Variants in VPS26A observed in about 807,000 individuals in gnomAD.
The protein encoded by VPS26A is VPS26 retromer complex component A, also known as vacuolar protein sorting-associated protein 26A.
Under a neutral mutation model 42.4 loss-of-function variants are expected in VPS26A, and 22 were observed. The observed-to-expected ratio is 0.52, with a 90% CI of 0.37 to 0.74. VPS26A has a LOEUF of 0.74. Among genes scored for constraint, VPS26A ranks in the 30% least tolerant of loss-of-function variants. The pLI, the probability that VPS26A is intolerant of heterozygous loss-of-function variation, is 0.00. For missense variants in VPS26A, 276 were observed against 379.2 expected (o/e 0.73, Z 2.26); for synonymous variants, 110 against 123.5 (o/e 0.89, Z 0.73).
At chr10:69,134,931 T>A (rs1274889741) in intron 2 of VPS26A, among the ~76,000 whole-genome samples, 9 of 146,146 alleles carry the variant, frequency 6.2e-5, no homozygotes, top group African/African-American at 2.2e-4. Context: ...TGTATCTATT[T>A]AAAAAAAAAA....
intron 2 of VPS26A, among the ~76,000 whole-genome samples, chr10:69,137,882 T>TATATATATATATATATATATATATA (rs1564675546): frequency 6.6e-5 from 10 of 151,378 alleles, no homozygotes; most frequent in African/African-American, 2.4e-4. Flanking sequence ...TATATATATA[T>TATATATATATATATATATATATATA]TCGCCATAAA....
intron 1 of VPS26A, among the ~76,000 whole-genome samples, chr10:69,125,268 G>A (rs534312327): frequency 1.3e-5 from 2 of 151,372 alleles, no homozygotes; most frequent in South Asian, 2.1e-4. Flanking sequence ...CAGTAATGAT[G>A]TTGCTTTCAA....
intron 5 of VPS26A, chr10:69,161,573 C>T (rs1841563177): frequency 4.2e-6 from 1 of 235,812 alleles, no homozygotes; most frequent in Non-Finnish European, 8.8e-6. Context: ...TGGCCTGAGA[C>T]TCCTTGCCAT....
In VPS26A at chr10:69,124,214, G is replaced by A. The variant is rs982115107; in HGVS notation, c.-64G>A. 12 of 1,271,822 alleles carry A rather than the reference G, an allele frequency of 9.4e-6. No individual in the cohort carries two copies. Among genetic ancestry groups the A allele is most frequent in the Admixed American group, 3.9e-5 (1 of 25,892 alleles). The allele number at this position is 1,271,822 out of a possible 1,614,324, so 78.8% of individuals were successfully genotyped here. A position where few individuals can be genotyped will look rare whatever the true frequency, so the allele number is the denominator to read the frequency against. On this transcript the variant is annotated 5_prime_UTR_variant, in exon 1 of 9. Coordinates refer to ENST00000263559, the MANE Select transcript of VPS26A (RefSeq NM_004896.5). ...ACGGAGCGCCGGAGCGGAGGGAGCC[G>A]GGGCTGGGAGTTCTCCTGAGGGAAG...
At chr10:69,151,854 G>T (rs1841320974) in intron 2 of VPS26A, among the ~76,000 whole-genome samples, 1 of 152,168 alleles carries the variant, frequency 6.6e-6, no homozygotes, top group African/African-American at 2.4e-5. Flanking sequence ...TGTTGGTAGA[G>T]ATTATAGTTC....
intron 5 of VPS26A, 22 bp downstream of exon 5, chr10:69,158,233 G>A (rs1841475311): frequency 6.5e-7 from 1 of 1,540,484 alleles, no homozygotes; most frequent in South Asian, 1.2e-5. Context: ...TCACAGATAA[G>A]TTGTTCAGAG....
chr10:69,158,337 C>A, intron 5 of VPS26A, 126 bp downstream of exon 5: 2 of 823,650 alleles, frequency 2.4e-6, no homozygotes, highest in Non-Finnish European at 3.5e-6. Flanking sequence ...AACAGGATCT[C>A]TGAGCTAAAA....
chr10:69,144,783 T>C (rs1333177265), intron 2 of VPS26A, among the ~76,000 whole-genome samples: 1 of 151,962 alleles, frequency 6.6e-6, no homozygotes, highest in Non-Finnish European at 1.5e-5. Context: ...TAAAGGTGTT[T>C]TATATATCTA....
At chr10:69,146,341 T>C (rs1197106899) in intron 2 of VPS26A, among the ~76,000 whole-genome samples, 1 of 152,158 alleles carries the variant, frequency 6.6e-6, no homozygotes, top group Non-Finnish European at 1.5e-5. Flanking sequence ...CACCTCGGTT[T>C]CCCAAAGTGC....
intron 2 of VPS26A, among the ~76,000 whole-genome samples, chr10:69,142,377 A>G (rs1272952691): frequency 7.0e-6 from 1 of 143,752 alleles, no homozygotes; most frequent in South Asian, 2.2e-4. Flanking sequence ...TTTTTTTTTT[A>G]TAGATAGGGT....
intron 1 of VPS26A, among the ~76,000 whole-genome samples, chr10:69,131,241 A>C (rs1383086318): frequency 6.6e-6 from 1 of 152,128 alleles, no homozygotes; most frequent in Non-Finnish European, 1.5e-5. Flanking sequence ...TGGTCTCTGA[A>C]AGTGCTGGGA....
At chr10:69,166,686 G>A (rs999733456) in intron 7 of VPS26A, among the ~76,000 whole-genome samples, 1 of 152,176 alleles carries the variant, frequency 6.6e-6, no homozygotes, top group South Asian at 2.1e-4. Flanking sequence ...CTTTGAGCTA[G>A]GTGGTTGTGT....
intron 2 of VPS26A, among the ~76,000 whole-genome samples, chr10:69,151,276 A>AAAAAAAAAAC (rs1554854511): frequency 5.8e-5 from 4 of 69,126 alleles, no homozygotes; most frequent in Admixed American, 1.6e-4. Flanking sequence ...AAAAAAAAAA[A>AAAAAAAAAAC]AAAAAAACAC....
At chr10:69,142,048 T>C (rs1841053753) in intron 2 of VPS26A, among the ~76,000 whole-genome samples, 1 of 151,956 alleles carries the variant, frequency 6.6e-6, no homozygotes. Context: ...CACGCCCGGC[T>C]AATTTTTTGT....
At chr10:69,129,663 T>A (rs1180249919) in intron 1 of VPS26A, among the ~76,000 whole-genome samples, 1 of 151,892 alleles carries the variant, frequency 6.6e-6, no homozygotes, top group Non-Finnish European at 1.5e-5. Context: ...TTCTCCTGCC[T>A]CAGGTGCATA....
chr10:69,162,410 C>T lies in VPS26A; in HGVS notation c.556C>T (p.His186Tyr). 1 of 1,441,594 alleles carries T rather than the reference C, an allele frequency of 6.9e-7. No individual in the cohort carries two copies. Among genetic ancestry groups the T allele is most frequent in the Non-Finnish European group, 9.7e-7 (1 of 1,033,290 alleles). The allele number at this position is 1,441,594 out of a possible 1,614,324, so 89.3% of individuals were successfully genotyped here. A position where few individuals can be genotyped will look rare whatever the true frequency, so the allele number is the denominator to read the frequency against. ...IEFEYNKSKY[H>Y]LKDVIVGKIY... ...AGATATGTTCTTCCCCAATAGGTATCATTTAAAGGATGTGATTGTTGGAAA... is the reference window on the plus strand; with the variant it reads ...AGATATGTTCTTCCCCAATAGGTATTATTTAAAGGATGTGATTGTTGGAAA... The change falls in exon 6 of 9, where the codon CAT (histidine) becomes TAT (tyrosine). Residue 186 changes from histidine (H) to tyrosine (Y), a missense_variant. Physicochemically the swap from His to Tyr is moderately conservative, Grantham distance 83. Transcript: ENST00000263559.
intron 5 of VPS26A, 57 bp from the exon 6 acceptor site, chr10:69,162,349 C>T (rs1841582538): frequency 1.1e-6 from 1 of 891,582 alleles, no homozygotes; most frequent in Admixed American, 2.7e-5. Context: ...GGACATAGTT[C>T]ACTGTTTTTG....
At chr10:69,133,506 A>G (rs1018926457) in intron 2 of VPS26A, 4 of 1,239,540 alleles carry the variant, frequency 3.2e-6, no homozygotes, top group African/African-American at 1.6e-5. Flanking sequence ...TACTGCTACT[A>G]TTGTGTCTGT....
chr10:69,164,383 A>C (rs908713173), intron 6 of VPS26A, among the ~76,000 whole-genome samples: 1 of 151,974 alleles, frequency 6.6e-6, no homozygotes, highest in Non-Finnish European at 1.5e-5. Flanking sequence ...ACACCCAGCT[A>C]ATTTTTTATT....
Sources: gnomAD v4.1 joint callset for allele counts (sites outside exome capture counted in the v4.1 genomes callset) on GRCh38, gnomAD v4.1.1 for gene constraint, MANE v1.5 for transcripts, NCBI Gene and HGNC (gene_info 2026-07-23, HGNC 2026-07-21) for gene names.